The following CACNB2 variants were observed in gnomAD, a reference collection of about 807,000 sequenced individuals.
The protein encoded by CACNB2 is voltage-dependent L-type calcium channel subunit beta-2.
Under a neutral mutation model 73.3 loss-of-function variants are expected in CACNB2, and 42 were observed. The ratio of observed to expected loss-of-function variants is 0.57; its 90% CI spans 0.45 to 0.74. The LOEUF is 0.74. CACNB2 is among the 30% of genes least tolerant of loss of function. CACNB2 has a pLI of 0.00. For missense variants in CACNB2, 940 were observed against 853.0 expected (o/e 1.10, Z -1.27); for synonymous variants, 348 against 310.3 (o/e 1.12, Z -1.28).
At chr10:18,216,773 C>A (rs577549630) in intron 2 of CACNB2, among the ~76,000 whole-genome samples, 1 of 152,270 alleles carries the variant, frequency 6.6e-6, no homozygotes, top group Non-Finnish European at 1.5e-5. Context: ...ATTCCTTAAT[C>A]TCTCCAAATT....
At chr10:18,369,318 T>G (rs2132278446) in intron 2 of CACNB2, among the ~76,000 whole-genome samples, 1 of 152,366 alleles carries the variant, frequency 6.6e-6, no homozygotes, top group Non-Finnish European at 1.5e-5. Context: ...TAATTTTTTG[T>G]GGATTTGTCA....
intron 12 of CACNB2, among the ~76,000 whole-genome samples, chr10:18,536,777 C>G (rs1252299378): frequency 6.6e-6 from 1 of 152,160 alleles, no homozygotes; most frequent in African/African-American, 2.4e-5. Flanking sequence ...ACACAAGATC[C>G]TGGTTCCGAA....
intron 5 of CACNB2, among the ~76,000 whole-genome samples, chr10:18,503,078 A>G (rs753411234): frequency 3.9e-5 from 6 of 152,218 alleles, no homozygotes; most frequent in Non-Finnish European, 7.3e-5. Flanking sequence ...ACCAACATAC[A>G]TATAATGCAT....
At chr10:18,279,655 A>G (rs1347627560) in intron 2 of CACNB2, among the ~76,000 whole-genome samples, 1 of 152,256 alleles carries the variant, frequency 6.6e-6, no homozygotes, top group East Asian at 1.9e-4. Context: ...AGAAGTTATC[A>G]TAAGAAGTAT....
chr10:18,378,943 A>G (rs1276890732), intron 2 of CACNB2, among the ~76,000 whole-genome samples: 1 of 152,164 alleles, frequency 6.6e-6, no homozygotes, highest in Admixed American at 6.5e-5. Flanking sequence ...GGGCTGTTCT[A>G]GGTGCTGGGG....
chr10:18,428,675 G>A (rs915005693), intron 3 of CACNB2, among the ~76,000 whole-genome samples: 16 of 116,728 alleles, frequency 1.4e-4, no homozygotes, highest in African/African-American at 5.4e-4. Flanking sequence ...GACAAAGCGA[G>A]ACACTGTCAA....
chr10:18,199,048 C>A (rs1356047744), intron 2 of CACNB2, among the ~76,000 whole-genome samples: 6 of 152,082 alleles, frequency 3.9e-5, no homozygotes, highest in African/African-American at 1.4e-4. Context: ...TGAGTTAGCA[C>A]CTTGCAACTC....
intron 2 of CACNB2, among the ~76,000 whole-genome samples, chr10:18,366,361 A>T (rs1247415186): frequency 6.6e-6 from 1 of 151,012 alleles, no homozygotes; most frequent in Non-Finnish European, 1.5e-5. Flanking sequence ...GCTCCTCAGG[A>T]GGCTGAGGCA....
intron 3 of CACNB2, 147 bp from the exon 4 acceptor site, chr10:18,498,208 C>A: frequency 1.1e-6 from 1 of 931,522 alleles, no homozygotes; most frequent in Non-Finnish European, 1.7e-6. Context: ...TGAATACGAA[C>A]AAGCTGTTTT....
chr10:18,178,974 C>T (rs2033740997), intron 2 of CACNB2, among the ~76,000 whole-genome samples: 1 of 152,138 alleles, frequency 6.6e-6, no homozygotes, highest in South Asian at 2.1e-4. Flanking sequence ...ATAGAAAGCA[C>T]TTGAGACTCT....
intron 3 of CACNB2, among the ~76,000 whole-genome samples, chr10:18,417,843 A>T (rs1443167799): frequency 6.6e-6 from 1 of 152,226 alleles, no homozygotes; most frequent in Non-Finnish European, 1.5e-5. Flanking sequence ...AAATTTAAAT[A>T]GAGCAAGGAA....
chr10:18,221,369 TA>T (rs1403479413), intron 2 of CACNB2, among the ~76,000 whole-genome samples: 1 of 152,152 alleles, frequency 6.6e-6, no homozygotes, highest in Non-Finnish European at 1.5e-5. Context: ...ATTCATTACA[TA>T]GTTCACAAGT....
At position 18,495,545 on chromosome 10, in the gene CACNB2, C is replaced by CTGTG. The variant is rs59858946; in HGVS notation, c.334-2766_334-2763dup. Among the ~76,000 whole-genome samples, 739 of 124,690 alleles carry CTGTG rather than the reference C, an allele frequency of 5.9e-3. 8 individuals are homozygous for CTGTG. The highest frequency in any genetic ancestry group is 7.8e-3 in the Middle Eastern group (2 of 256). The allele number at this position is 124,690 out of a possible 152,430, so 81.8% of individuals were successfully genotyped here. On this transcript the variant is annotated intron_variant, in intron 3 of 13. Transcript: ENST00000324631. ...AAATATATTTTTAAAAGTATAAAAA[C>CTGTG]TGTGTGTGTGTGTGTGTGTGTGTGT...
intron 2 of CACNB2, among the ~76,000 whole-genome samples, chr10:18,186,713 G>A (rs570775005): frequency 2.2e-4 from 34 of 152,232 alleles, no homozygotes; most frequent in Non-Finnish European, 3.7e-4. Flanking sequence ...AAGAGAGATG[G>A]TGCTAAGCCA....
Position 18,307,758 on chromosome 10 carries a change from A to G in CACNB2, c.214-94166A>G, listed in dbSNP as rs898664385. Among the ~76,000 whole-genome samples the G allele has an allele frequency of 3.7e-4, 57 of 152,186 alleles. 2 individuals are homozygous for G. Among genetic ancestry groups the G allele is most frequent in the Admixed American group, 3.7e-3 (56 of 15,264 alleles). On this transcript the variant is annotated intron_variant, in intron 2 of 13. Coordinates refer to ENST00000324631, the MANE Select transcript of CACNB2 (RefSeq NM_201596.3). ...AAAATAAATAGGAAATGTTCTGGCA[A>G]TGGAACAAAGGAGCTTATCTCTTAA...
At chr10:18,256,761 C>G (rs10764368) in intron 2 of CACNB2, 115,223 of 152,188 alleles carry the variant, frequency 0.76, 43,879 homozygotes, top group East Asian at 0.99. Flanking sequence ...GGAAACATGG[C>G]AAAACCCCAT....
intron 2 of CACNB2, among the ~76,000 whole-genome samples, chr10:18,389,339 A>G (rs563439246): frequency 1.3e-5 from 2 of 152,096 alleles, no homozygotes; most frequent in Non-Finnish European, 2.9e-5. Flanking sequence ...GGGTCTCCCT[A>G]TGTTGCAAAG....
At chr10:18,258,840 A>G (rs949254732) in intron 2 of CACNB2, among the ~76,000 whole-genome samples, 3 of 152,150 alleles carry the variant, frequency 2.0e-5, no homozygotes, top group African/African-American at 4.8e-5. Flanking sequence ...AATCAAATTG[A>G]AGTCCTACCT....
chr10:18,452,742 A>G (rs2047075130), intron 3 of CACNB2, among the ~76,000 whole-genome samples: 1 of 152,190 alleles, frequency 6.6e-6, no homozygotes, highest in Admixed American at 6.5e-5. Flanking sequence ...TTCTCTACCT[A>G]GGATGATTTC....
Sources: gnomAD v4.1 joint callset for allele counts (sites outside exome capture counted in the v4.1 genomes callset) on GRCh38, gnomAD v4.1.1 for gene constraint, MANE v1.5 for transcripts, NCBI Gene and HGNC (gene_info 2026-07-23, HGNC 2026-07-21) for gene names.